SEPTIN6: variants seen among roughly 807,000 people sequenced by gnomAD.
The protein encoded by SEPTIN6 is septin 6.
Under a neutral mutation model 33.6 loss-of-function variants are expected in SEPTIN6, and 8 were observed. The observed-to-expected ratio is 0.24, with a 90% confidence interval of 0.14 to 0.43. The LOEUF (loss-of-function observed/expected upper bound fraction) is 0.43, where lower values mean the gene tolerates loss of function less well. Among genes scored for constraint, SEPTIN6 ranks in the 20% least tolerant of loss-of-function variants. The pLI is 1.00. For missense variants in SEPTIN6, 250 were observed against 340.8 expected, an observed-to-expected ratio of 0.73 and a Z score of 2.10; for synonymous variants, 131 against 140.0, an observed-to-expected ratio of 0.94 and a Z score of 0.45.
rs762851840 is a variant in SEPTIN6 at position 119,675,542 on chromosome X, G to A, written c.145+12C>T. On this transcript the variant is annotated intron_variant, in intron 2 of 10. Coordinates refer to ENST00000394610, the MANE Select transcript of SEPTIN6 (RefSeq NM_145799.4). ...ATTCTGTAATAGAATTTCCTGCTAT[G>A]GAAATACTCACCCACGCACAGGATG... is the stretch of plus-strand genomic sequence containing the variant. 2.9e-5 allele frequency: 30 copies of A among 1,039,093 alleles called. No homozygotes were observed. The highest frequency in any genetic ancestry group is 3.7e-5 in the Non-Finnish European group (29 of 773,753). The allele number at this position is 1,039,093 out of a possible 1,213,427, so 85.6% of individuals were successfully genotyped here. A position where few individuals can be genotyped will look rare whatever the true frequency, so the allele number is the denominator to read the frequency against.
intron 1 of SEPTIN6, among the ~76,000 whole-genome samples, chrX:119,690,364 C>T (rs1308313956): frequency 9.2e-6 from 1 of 108,494 alleles, no homozygotes; most frequent in Non-Finnish European, 1.9e-5. Context: ...CACACACACA[C>T]ACACACACAC....
Position 119,618,873 on chromosome X carries a change from C to A in SEPTIN6, c.*1220G>T. 1.7e-6 allele frequency: 2 copies of A among 1,188,801 alleles called. No individual in the cohort carries two copies. The highest frequency in any genetic ancestry group is 3.8e-5 in the South Asian group (2 of 51,967). On this transcript the variant is annotated 3_prime_UTR_variant, in exon 11 of 11. Transcript: ENST00000394610. ...CTCTCACACTGTCACTGGCCAAACA[C>A]CAAAGGCCACTGTGCCTCATAACCC...
intron 8 of SEPTIN6, among the ~76,000 whole-genome samples, chrX:119,632,046 C>A (rs1168284986): frequency 9.1e-6 from 1 of 110,229 alleles, no homozygotes. Flanking sequence ...CAGGTGTGAG[C>A]AACTGCGCCC....
chrX:119,686,571 T>C (rs1436638492), intron 1 of SEPTIN6: 1 of 958,406 alleles, frequency 1.0e-6, no homozygotes, highest in African/African-American at 2.0e-5. Context: ...CTCCTGAGCA[T>C]GTGGCCTCCT....
intron 9 of SEPTIN6, among the ~76,000 whole-genome samples, chrX:119,628,438 C>A (rs1171821220): frequency 9.1e-6 from 1 of 110,403 alleles, no homozygotes; most frequent in Non-Finnish European, 1.9e-5. Context: ...GCCACCGCGC[C>A]TGGCTAATTT....
At chrX:119,671,306 G>A (rs1213058078) in intron 2 of SEPTIN6, among the ~76,000 whole-genome samples, 2 of 82,098 alleles carry the variant, frequency 2.4e-5, no homozygotes, top group Non-Finnish European at 4.9e-5. Context: ...TTTTTTTTTT[G>A]AGACGGAATC....
chrX:119,620,148 G>T, intron 10 of SEPTIN6, 97 bp from the exon 11 acceptor site: 3 of 674,959 alleles, frequency 4.4e-6, no homozygotes, highest in Non-Finnish European at 6.9e-6. Context: ...AGGACTAATG[G>T]CTAAATTAGA....
At chrX:119,683,185 G>A (rs992365742) in intron 1 of SEPTIN6, among the ~76,000 whole-genome samples, 8 of 112,558 alleles carry the variant, frequency 7.1e-5, no homozygotes, top group Non-Finnish European at 1.1e-4. Flanking sequence ...CGCAGGAGGC[G>A]GAGGTTGCAA....
chrX:119,663,768 G>A (rs1378251464), intron 2 of SEPTIN6, 91 bp from the exon 3 acceptor site: 8 of 716,217 alleles, frequency 1.1e-5, no homozygotes, highest in Non-Finnish European at 1.6e-5. Flanking sequence ...TGTTGACACG[G>A]GAAAATGAAC....
chrX:119,689,564 G>C (rs1294742930), intron 1 of SEPTIN6, among the ~76,000 whole-genome samples: 1 of 111,725 alleles, frequency 9.0e-6, no homozygotes, highest in Non-Finnish European at 1.9e-5. Flanking sequence ...TCGGCTCACT[G>C]CAAGTGCCGC....
rs776801013 is a variant in SEPTIN6, at chrX:119,692,444, G to A, written c.30+632C>T. 1.5e-4 allele frequency among the ~76,000 whole-genome samples: 17 copies of A among 111,499 alleles called. No individual in the cohort carries two copies. In the South Asian group the frequency reaches 6.4e-3, roughly 42 times the overall value. On this transcript the variant is annotated intron_variant, in intron 1 of 10. Transcript: ENST00000394610. Reference sequence around the variant, plus strand: ...CAGAGAAACACGCGGACTTCTTTGGGTCACAGACAGAACCCCGGCGCCGCC... The same window carrying A: ...CAGAGAAACACGCGGACTTCTTTGGATCACAGACAGAACCCCGGCGCCGCC...
At position 119,618,586 on chromosome X, in the gene SEPTIN6, G is replaced by A. The variant is rs747398685; in HGVS notation, c.*1507C>T. On this transcript the variant is annotated 3_prime_UTR_variant, in exon 11 of 11. Transcript: ENST00000394610. ...AGGTGGTCATGGTCAGTGCCAGTGGGGCTGGGAGGCAGGAGCAAGTTGCGG... is the reference window on the plus strand; with the variant it reads ...AGGTGGTCATGGTCAGTGCCAGTGGAGCTGGGAGGCAGGAGCAAGTTGCGG... 2.9e-6 allele frequency: 3 copies of A among 1,030,661 alleles called. No individual in the cohort carries two copies. The highest frequency in any genetic ancestry group is 3.7e-6 in the Non-Finnish European group (3 of 803,378). The allele number at this position is 1,030,661 out of a possible 1,213,427, so 84.9% of individuals were successfully genotyped here. A position where few individuals can be genotyped will look rare whatever the true frequency, so the allele number is the denominator to read the frequency against.
chrX:119,624,765 A>G (rs763816226), intron 10 of SEPTIN6, among the ~76,000 whole-genome samples: 22 of 111,087 alleles, frequency 2.0e-4, no homozygotes, highest in Middle Eastern at 4.6e-3. Flanking sequence ...GCTAGAGTAC[A>G]ATGGTGCAAT....
At chrX:119,657,887 A>T (rs2147560050) in intron 3 of SEPTIN6, among the ~76,000 whole-genome samples, 1 of 111,925 alleles carries the variant, frequency 8.9e-6, no homozygotes, top group East Asian at 2.8e-4. Context: ...GCACTTTGGG[A>T]GGCCGAGGCA....
intron 8 of SEPTIN6, among the ~76,000 whole-genome samples, chrX:119,631,983 A>G (rs1226247470): frequency 9.2e-6 from 1 of 109,159 alleles, no homozygotes; most frequent in African/African-American, 3.3e-5. Flanking sequence ...GGCTGGCCTC[A>G]AACTCCTGAA....
intron 2 of SEPTIN6, among the ~76,000 whole-genome samples, chrX:119,673,798 C>T (rs1187079555): frequency 2.6e-4 from 24 of 92,900 alleles, no homozygotes; most frequent in South Asian, 5.8e-4. Context: ...GCTGATATCA[C>T]GCCACTGCAC....
intron 10 of SEPTIN6, among the ~76,000 whole-genome samples, chrX:119,622,382 A>G (rs2053783136): frequency 8.9e-6 from 1 of 111,859 alleles, no homozygotes; most frequent in East Asian, 2.8e-4. Context: ...CCTGCATTCT[A>G]GGTGGCCTTC....
At chrX:119,678,720 A>T (rs1057462563) in intron 1 of SEPTIN6, among the ~76,000 whole-genome samples, 4 of 110,403 alleles carry the variant, frequency 3.6e-5, no homozygotes, top group African/African-American at 9.9e-5. Flanking sequence ...GAGAACTGAT[A>T]TGCTTTCTTT....
intron 10 of SEPTIN6, 21 bp from the exon 11 acceptor site, chrX:119,620,072 T>C (rs778820285): frequency 8.8e-7 from 1 of 1,133,835 alleles, no homozygotes; most frequent in Non-Finnish European, 1.2e-6. Flanking sequence ...AAAGAGAAGC[T>C]GAGTTAATGA....
Sources: gnomAD v4.1 joint callset for allele counts (sites outside exome capture counted in the v4.1 genomes callset) on GRCh38, gnomAD v4.1.1 for gene constraint, MANE v1.5 for transcripts, NCBI Gene and HGNC (gene_info 2026-07-23, HGNC 2026-07-21) for gene names.